PRELID2: variants seen among roughly 807,000 people sequenced by gnomAD.
The protein encoded by PRELID2 is PRELI domain-containing protein 2.
A neutral mutation model predicts 28.4 loss-of-function variants in PRELID2; 25 were observed. That is an observed-to-expected ratio of 0.88 (90% CI 0.64 to 1.23). The LOEUF (loss-of-function observed/expected upper bound fraction) is 1.23. Among genes scored for constraint, PRELID2 ranks in the 50% most tolerant of loss-of-function variants. The pLI, the probability that PRELID2 is intolerant of heterozygous loss-of-function variation, is 0.00. For synonymous variants in PRELID2, 76 were observed against 71.6 expected (o/e 1.06, Z -0.31); for missense variants, 201 against 214.4 (o/e 0.94, Z 0.39).
chr5:145,529,778 C>T (rs1270177982), intron 1 of PRELID2, among the ~76,000 whole-genome samples: 1 of 151,962 alleles, frequency 6.6e-6, no homozygotes, highest in Non-Finnish European at 1.5e-5. Flanking sequence ...TGGGTGTTCA[C>T]TAAACGACTC....
chr5:145,319,553 C>A, the PRELID2 span, among the ~76,000 whole-genome samples: 1 of 151,918 alleles, frequency 6.6e-6, no homozygotes, highest in Admixed American at 6.6e-5. Flanking sequence ...CGCCTGTAGT[C>A]CCAGCTATTC....
chr5:145,379,996 G>A, the PRELID2 span, among the ~76,000 whole-genome samples: 1 of 152,264 alleles, frequency 6.6e-6, no homozygotes, highest in Non-Finnish European at 1.5e-5. Context: ...AGGGCTAAAG[G>A]CTATGGGAAC....
chr5:145,457,060 G>T, the PRELID2 span, among the ~76,000 whole-genome samples: 1 of 152,182 alleles, frequency 6.6e-6, no homozygotes, highest in Non-Finnish European at 1.5e-5. Flanking sequence ...TATTTTTAAG[G>T]GGATAGAGTG....
chr5:145,639,760 C>A (rs1462795390), intron 1 of PRELID2, among the ~76,000 whole-genome samples: 1 of 151,912 alleles, frequency 6.6e-6, no homozygotes, highest in Non-Finnish European at 1.5e-5. Flanking sequence ...TAAGATTTAA[C>A]AAAAGTAGGT....
At chr5:145,752,249 A>G (rs867572380), downstream of PRELID2, among the ~76,000 whole-genome samples, 4 of 152,254 alleles carry the variant, frequency 2.6e-5, no homozygotes, top group South Asian at 8.3e-4. Flanking sequence ...AATGGTTCTC[A>G]TAGCACTTGA....
intron 1 of PRELID2, chr5:145,728,847 C>G: frequency 1.0e-6 from 1 of 964,014 alleles, no homozygotes; most frequent in South Asian, 1.3e-5. Context: ...GACCATGAAC[C>G]TGAAGATGTC....
chr5:145,825,272 A>C (rs1227950820), intron 1 of PRELID2, among the ~76,000 whole-genome samples: 1 of 145,746 alleles, frequency 6.9e-6, no homozygotes, highest in Non-Finnish European at 1.5e-5. Flanking sequence ...TTGGAACTAC[A>C]GTGATTGCTT....
At chr5:145,489,375 A>G (rs1752248202) in intron 1 of PRELID2, among the ~76,000 whole-genome samples, 1 of 152,214 alleles carries the variant, frequency 6.6e-6, no homozygotes, top group African/African-American at 2.4e-5. Flanking sequence ...AGTGATAGTA[A>G]TACTGTTAAT....
intron 1 of PRELID2, among the ~76,000 whole-genome samples, chr5:145,723,184 A>G (rs569736115): frequency 9.2e-5 from 14 of 152,360 alleles, no homozygotes; most frequent in African/African-American, 3.4e-4. Context: ...TGTGAAAATA[A>G]TACATAATGA....
chr5:145,591,377 T>C (rs1027623244), intron 1 of PRELID2, among the ~76,000 whole-genome samples: 1 of 152,166 alleles, frequency 6.6e-6, no homozygotes, highest in Non-Finnish European at 1.5e-5. Context: ...TAAGTATCTA[T>C]TTCAAAATAA....
intron 1 of PRELID2, among the ~76,000 whole-genome samples, chr5:145,693,821 A>G (rs1473690782): frequency 6.6e-6 from 1 of 152,216 alleles, no homozygotes; most frequent in Non-Finnish European, 1.5e-5. Context: ...TAGAGTATCT[A>G]TGTACTGAAA....
chr5:145,623,645 G>A (rs1438801169), intron 1 of PRELID2, among the ~76,000 whole-genome samples: 1 of 150,958 alleles, frequency 6.6e-6, no homozygotes, highest in Non-Finnish European at 1.5e-5. Flanking sequence ...AGGTAGGTAG[G>A]TAGATAGGTA....
chr5:145,316,831 T>C, the PRELID2 span, among the ~76,000 whole-genome samples: 19 of 152,352 alleles, frequency 1.2e-4, no homozygotes, highest in South Asian at 2.9e-3. Flanking sequence ...CAACAATGTT[T>C]GGTCCTCTTT....
intron 1 of PRELID2, among the ~76,000 whole-genome samples, chr5:145,506,526 G>T (rs1360914689): frequency 6.6e-6 from 1 of 152,122 alleles, no homozygotes; most frequent in South Asian, 2.1e-4. Flanking sequence ...CCCAGGCCAT[G>T]TTCCTTTCAT....
intron 1 of PRELID2, among the ~76,000 whole-genome samples, chr5:145,563,152 T>G (rs1414096413): frequency 6.6e-6 from 1 of 152,260 alleles, no homozygotes; most frequent in African/African-American, 2.4e-5. Flanking sequence ...GCCATGGTCA[T>G]GTGCCTCAAG....
chr5:145,242,276 A>G, the PRELID2 span, among the ~76,000 whole-genome samples: 1 of 152,090 alleles, frequency 6.6e-6, no homozygotes, highest in Non-Finnish European at 1.5e-5. Context: ...AGAACTTCCA[A>G]CTGAAACTAG....
chr5:145,719,869 C>A (rs1188611870), intron 1 of PRELID2, among the ~76,000 whole-genome samples: 6 of 151,544 alleles, frequency 4.0e-5, no homozygotes, highest in African/African-American at 1.5e-4. Context: ...ATGAAAAACA[C>A]CTTAAATCAG....
the PRELID2 span, among the ~76,000 whole-genome samples, chr5:145,310,526 AG>A: frequency 6.6e-6 from 1 of 152,352 alleles, no homozygotes; most frequent in East Asian, 1.9e-4. Flanking sequence ...CAGAAAAATC[AG>A]TTCTTAATTA....
At chr5:145,335,377 A>C in the PRELID2 span, among the ~76,000 whole-genome samples, 1 of 151,866 alleles carries the variant, frequency 6.6e-6, no homozygotes, top group Non-Finnish European at 1.5e-5. Context: ...TCCTGGTATT[A>C]TTGAGTTGTC....
Sources: allele counts gnomAD v4.1 joint callset (sites outside exome capture counted in the v4.1 genomes callset), GRCh38; gene constraint gnomAD v4.1.1; transcripts MANE v1.5; gene names NCBI Gene and HGNC (gene_info 2026-07-23, HGNC 2026-07-21).